TUT7: variants seen among roughly 807,000 people sequenced by gnomAD.
The protein encoded by TUT7 is terminal uridylyl transferase 7.
A neutral mutation model predicts 165.9 loss-of-function variants in TUT7; 33 were observed. The observed-to-expected ratio is 0.20, with a 90% CI of 0.15 to 0.27. The LOEUF is 0.27. Among genes scored for constraint, TUT7 ranks in the 10% least tolerant of loss-of-function variants. The probability of loss-of-function intolerance (pLI) is 1.00; values close to 1 mark genes in which losing one functional copy is unlikely to be tolerated. For missense variants in TUT7, 1,338 were observed against 1,762.3 expected, an observed-to-expected ratio of 0.76 and a Z score of 4.31; for synonymous variants, 552 against 608.1, an observed-to-expected ratio of 0.91 and a Z score of 1.36.
intron 26 of TUT7, among the ~76,000 whole-genome samples, chr9:86,290,522 G>C (rs1011854841): frequency 1.3e-5 from 2 of 151,998 alleles, no homozygotes; most frequent in African/African-American, 4.8e-5. Context: ...ACCCATCTTC[G>C]ATATTGTGAA....
intron 26 of TUT7, among the ~76,000 whole-genome samples, 163 bp downstream of exon 26, chr9:86,301,113 C>G (rs1342549403): frequency 6.6e-6 from 1 of 152,066 alleles, no homozygotes; most frequent in African/African-American, 2.4e-5. Context: ...GGAGGATCAA[C>G]ATTAAAGGAG....
chr9:86,352,970 T>C lies in TUT7; in HGVS notation c.230A>G (p.Tyr77Cys). 1.9e-6 allele frequency: 3 copies of C among 1,614,214 alleles called. No homozygotes were observed. The highest frequency in any genetic ancestry group is 1.1e-5 in the South Asian group (1 of 91,088). The change falls in exon 2 of 27, where the codon TAT (tyrosine) becomes TGT (cysteine). Residue 77 changes from tyrosine to cysteine, a missense_variant. Tyr to Cys is a radical substitution (Grantham distance 194, BLOSUM62 -2). Coordinates refer to ENST00000375963, the MANE Select transcript of TUT7 (RefSeq NM_024617.4). The stretch of plus-strand genomic sequence containing the variant: ...ACTGTAGATTGGGTTTTTAAATGCA[T>C]ATGGATTGCTGGAAACAGCACATGG... Reference protein sequence around the residue: ...KGPCAVSSNPYAFKNPIYSQP... With the variant: ...KGPCAVSSNPCAFKNPIYSQP...
intron 26 of TUT7, among the ~76,000 whole-genome samples, chr9:86,299,272 C>T (rs765285570): frequency 6.6e-6 from 1 of 152,128 alleles, no homozygotes; most frequent in African/African-American, 2.4e-5. Context: ...TTTAGACATT[C>T]CTAAAAAAGA....
At chr9:86,337,681 A>T (rs1051351795) in intron 9 of TUT7, 143 bp from the exon 10 acceptor site, 6 of 1,007,018 alleles carry the variant, frequency 6.0e-6, no homozygotes, top group Non-Finnish European at 8.6e-6. Flanking sequence ...GTTACAAAAT[A>T]TACAACTTCC....
chr9:86,319,765 C>G (rs1159929553), intron 14 of TUT7, 95 bp from the exon 15 acceptor site: 1 of 816,698 alleles, frequency 1.2e-6, no homozygotes, highest in East Asian at 2.7e-5. Flanking sequence ...ATAAAACTTA[C>G]AAGCTTAAAT....
At chr9:86,353,280 T>C in intron 1 of TUT7, 50 bp from the exon 2 acceptor site, 1 of 1,396,068 alleles carries the variant, frequency 7.2e-7, no homozygotes, top group Non-Finnish European at 9.6e-7. Context: ...CAAGATATCA[T>C]ACAAGTATAC....
chr9:86,353,747 C>CTCAA (rs1832503341), intron 1 of TUT7, among the ~76,000 whole-genome samples: 1 of 152,130 alleles, frequency 6.6e-6, no homozygotes, highest in Admixed American at 6.5e-5. Context: ...CTGGACAGAC[C>CTCAA]GGCTTTGAGC....
At chr9:86,339,011 C>G in intron 8 of TUT7, 62 bp from the exon 9 acceptor site, 7 of 1,398,902 alleles carry the variant, frequency 5.0e-6, no homozygotes, top group Non-Finnish European at 6.6e-6. Context: ...ACACAGGTCT[C>G]AAAGTGTCTT....
chr9:86,301,907 C>T (rs1826948273), intron 25 of TUT7: 1 of 958,720 alleles, frequency 1.0e-6, no homozygotes, highest in African/African-American at 1.8e-5. Context: ...AAAGGCAAAT[C>T]ATCCATGGAG....
At chr9:86,345,529 T>C (rs760719303) in intron 4 of TUT7, 140 bp downstream of exon 4, 16 of 663,928 alleles carry the variant, frequency 2.4e-5, no homozygotes, top group South Asian at 6.0e-5. Flanking sequence ...ACCAGTATTA[T>C]GTATTTTGGC....
At chr9:86,340,226 T>G (rs1414001113) in intron 7 of TUT7, 121 bp from the exon 8 acceptor site, 1 of 751,668 alleles carries the variant, frequency 1.3e-6, no homozygotes, top group Non-Finnish European at 2.2e-6. Context: ...AGACCACTAC[T>G]AAATAATGCT....
At chr9:86,302,563 C>G (rs1354921583) in intron 25 of TUT7, among the ~76,000 whole-genome samples, 2 of 151,254 alleles carry the variant, frequency 1.3e-5, no homozygotes, top group Non-Finnish European at 2.9e-5. Flanking sequence ...AGTGATCCGC[C>G]TGCCTTGGCC....
At chr9:86,325,897 C>T (rs1429450975) in intron 11 of TUT7, among the ~76,000 whole-genome samples, 4 of 152,128 alleles carry the variant, frequency 2.6e-5, no homozygotes, top group African/African-American at 9.7e-5. Context: ...CAGTCACAGA[C>T]ACACAAAAAT....
rs781677692 is a variant in TUT7, at chr9:86,309,981, C to T, written c.3415G>A (p.Ala1139Thr). The T allele has an allele frequency of 3.4e-5, 55 of 1,613,030 alleles. No individual in the cohort carries two copies. Among genetic ancestry groups the T allele is most frequent in the African/African-American group, 4.0e-5 (3 of 74,756 alleles). ...AAATACTTCACTCTGGGATCAATGG[C>T]GGAATAAGCAGATAAAAGCCTTGTG... is the stretch of plus-strand genomic sequence containing the variant. ...HNTRLLSAYS[A>T]IDPRVKYLCY... Residue 1139 changes from alanine to threonine, a missense_variant, in exon 19 of 27, where the codon GCC becomes ACC. Ala to Thr is a moderately conservative substitution (Grantham distance 58). This residue lies in a region of TUT7 where 157 missense variants were observed against 357.5 expected (regional missense o/e 0.44). Transcript: ENST00000375963.
intron 14 of TUT7, among the ~76,000 whole-genome samples, chr9:86,320,260 A>ACC (rs1829129976): frequency 6.6e-6 from 1 of 150,950 alleles, no homozygotes; most frequent in East Asian, 1.9e-4. Context: ...AATTTCCCAA[A>ACC]AAAAAAAAAA....
intron 26 of TUT7, among the ~76,000 whole-genome samples, chr9:86,289,865 A>C (rs1382784864): frequency 6.6e-6 from 1 of 152,162 alleles, no homozygotes; most frequent in African/African-American, 2.4e-5. Context: ...AAAACCTTAT[A>C]ATTAACAATG....
chr9:86,327,671 A>C (rs1426364565), intron 11 of TUT7, among the ~76,000 whole-genome samples: 1 of 152,256 alleles, frequency 6.6e-6, no homozygotes, highest in Non-Finnish European at 1.5e-5. Context: ...TCTAGAAAAC[A>C]CAACTGGAAA....
chr9:86,307,902 G>A (rs1235354803), intron 22 of TUT7, among the ~76,000 whole-genome samples: 3 of 152,046 alleles, frequency 2.0e-5, no homozygotes, highest in African/African-American at 4.8e-5. Flanking sequence ...GCTGAGGCAG[G>A]AGAATTGCTT....
At chr9:86,337,301 A>G in intron 10 of TUT7, 118 bp downstream of exon 10, 1 of 1,134,476 alleles carries the variant, frequency 8.8e-7, no homozygotes, top group Non-Finnish European at 1.3e-6. Flanking sequence ...ACATGAGTAG[A>G]ATAAATAAAT....
Sources: gnomAD v4.1 joint callset for allele counts (sites outside exome capture counted in the v4.1 genomes callset) on GRCh38, gnomAD v4.1.1 for gene constraint, gnomAD v4.1.1 regional missense constraint, MANE v1.5 for transcripts, NCBI Gene and HGNC (gene_info 2026-07-23, HGNC 2026-07-21) for gene names.